Variants in LRRC37A observed in about 807,000 individuals in gnomAD.
LRRC37A encodes the protein leucine rich repeat containing 37A.
A neutral mutation model predicts 35.4 loss-of-function variants in LRRC37A; 3 were observed. That is an observed-to-expected ratio of 0.08 (90% CI 0.04 to 0.22). The LOEUF (loss-of-function observed/expected upper bound fraction) is 0.22, where lower values mean the gene tolerates loss of function less well. LRRC37A is among the 10% of genes least tolerant of loss of function. The pLI is 1.00. For synonymous variants in LRRC37A, 23 were observed against 215.0 expected, an observed-to-expected ratio of 0.11 and a Z score of 7.81; for missense variants, 67 against 565.3, an observed-to-expected ratio of 0.12 and a Z score of 8.94.
chr17:46,315,924 T>A (rs543994265), intron 5 of LRRC37A, among the ~76,000 whole-genome samples: 1 of 71,722 alleles, frequency 1.4e-5, no homozygotes, highest in African/African-American at 3.7e-5. Flanking sequence ...CTTTTTCTTT[T>A]TTTTTTTTCT....
intron 11 of LRRC37A, among the ~76,000 whole-genome samples, chr17:46,336,313 C>T (rs1366197128): frequency 4.5e-4 from 5 of 11,136 alleles, no homozygotes. Context: ...AAAGGCCAGG[C>T]AGGATGGCTC....
the LRRC37A span, among the ~76,000 whole-genome samples, chr17:46,263,869 A>C: frequency 6.5e-5 from 9 of 139,056 alleles, no homozygotes; most frequent in Non-Finnish European, 1.2e-4. Flanking sequence ...AAAAAAAAAA[A>C]AAAAAGAGAG....
chr17:46,256,631 C>G, the LRRC37A span, among the ~76,000 whole-genome samples: 2 of 152,148 alleles, frequency 1.3e-5, no homozygotes, highest in South Asian at 2.1e-4. Flanking sequence ...AAACCATCAC[C>G]GAACTAGCCT....
chr17:46,253,373 G>A, the LRRC37A span, among the ~76,000 whole-genome samples: 1 of 151,958 alleles, frequency 6.6e-6, no homozygotes, highest in African/African-American at 2.4e-5. Flanking sequence ...CTGCAATCTC[G>A]GCACTTTGGG....
At chr17:46,281,336 C>A in the LRRC37A span, among the ~76,000 whole-genome samples, 1 of 151,746 alleles carries the variant, frequency 6.6e-6, no homozygotes, top group South Asian at 2.1e-4. Flanking sequence ...TGAATTTATT[C>A]TGCTAGAATT....
the LRRC37A span, among the ~76,000 whole-genome samples, chr17:46,248,687 T>G: frequency 8.6e-5 from 13 of 151,562 alleles, no homozygotes; most frequent in East Asian, 3.8e-4. Context: ...GCCTGGCTAA[T>G]TTTTGTATTT....
At chr17:46,255,326 A>C in the LRRC37A span, among the ~76,000 whole-genome samples, 1 of 150,516 alleles carries the variant, frequency 6.6e-6, no homozygotes, top group Non-Finnish European at 1.5e-5. Context: ...GAAGGCGGCT[A>C]CTATTATGGG....
At chr17:46,268,533 T>C in the LRRC37A span, 3 of 1,459,140 alleles carry the variant, frequency 2.1e-6, no homozygotes, top group African/African-American at 4.4e-5. Flanking sequence ...GGGCCACATC[T>C]ACCATAAGAG....
At chr17:46,286,734 G>C in the LRRC37A span, among the ~76,000 whole-genome samples, 1 of 152,236 alleles carries the variant, frequency 6.6e-6, no homozygotes, top group Non-Finnish European at 1.5e-5. Flanking sequence ...AAGTAAATAA[G>C]TAACCAGTCA....
At chr17:46,280,377 A>C in the LRRC37A span, among the ~76,000 whole-genome samples, 3 of 151,124 alleles carry the variant, frequency 2.0e-5, no homozygotes, top group African/African-American at 7.3e-5. Context: ...AACACAAAAC[A>C]ACAGAAAAAT....
At chr17:46,319,149 T>C (rs1337042268) in intron 5 of LRRC37A, among the ~76,000 whole-genome samples, 2 of 29,730 alleles carry the variant, frequency 6.7e-5, no homozygotes, top group African/African-American at 1.5e-4. Flanking sequence ...GAATAAATGC[T>C]CCTTGGGTTG....
the LRRC37A span, among the ~76,000 whole-genome samples, chr17:46,272,182 T>C: frequency 6.6e-6 from 1 of 152,270 alleles, no homozygotes; most frequent in African/African-American, 2.4e-5. Context: ...ATAACAGTTA[T>C]TGAAAATACT....
At chr17:46,298,509 CAGG>C (rs1371206122) in intron 1 of LRRC37A, among the ~76,000 whole-genome samples, 1 of 11,508 alleles carries the variant, frequency 8.7e-5, no homozygotes, top group Non-Finnish European at 4.5e-4. Flanking sequence ...ATCATGAGGT[CAGG>C]AGATCAAGAC....
the LRRC37A span, among the ~76,000 whole-genome samples, chr17:46,265,294 CTTCTTCTTCTTCT>C: frequency 4.9e-5 from 5 of 101,072 alleles, no homozygotes; most frequent in South Asian, 1.0e-3. Context: ...TCTTCTTCTT[CTTCTTCTTCTTCT>C]TCTTCTTCCT....
At chr17:46,291,969 C>CAAAAAAAAAAAAAAA (rs59554870), upstream of LRRC37A, among the ~76,000 whole-genome samples, 2 of 58,090 alleles carry the variant, frequency 3.4e-5, no homozygotes. Flanking sequence ...TCTCAAAAAG[C>CAAAAAAAAAAAAAAA]AAAAAAAAAA....
the LRRC37A span, among the ~76,000 whole-genome samples, chr17:46,262,384 T>TCTTC: frequency 4.0e-5 from 6 of 151,424 alleles, no homozygotes; most frequent in South Asian, 2.1e-4. Context: ...TTCTTCTTCT[T>TCTTC]TTTTAATTAA....
upstream of LRRC37A, among the ~76,000 whole-genome samples, chr17:46,291,268 A>G (rs1243538971): frequency 6.6e-6 from 1 of 152,246 alleles, no homozygotes; most frequent in Admixed American, 6.5e-5. Flanking sequence ...CTCTCCCTTC[A>G]AGAACATACA....
the LRRC37A span, among the ~76,000 whole-genome samples, chr17:46,276,662 C>G: frequency 6.6e-6 from 1 of 152,172 alleles, no homozygotes; most frequent in Non-Finnish European, 1.5e-5. Flanking sequence ...ATAATAAAAT[C>G]AAGTTTCAAT....
At chr17:46,281,245 T>C in the LRRC37A span, among the ~76,000 whole-genome samples, 1 of 152,046 alleles carries the variant, frequency 6.6e-6, no homozygotes, top group Non-Finnish European at 1.5e-5. Flanking sequence ...CCTCATAGAG[T>C]GCAGGGGCTT....
Sources: allele counts gnomAD v4.1 joint callset (sites outside exome capture counted in the v4.1 genomes callset), GRCh38; gene constraint gnomAD v4.1.1; transcripts MANE v1.5; gene names NCBI Gene and HGNC (gene_info 2026-07-23, HGNC 2026-07-21).